Variants in CCBE1 observed in about 807,000 individuals in gnomAD.
CCBE1 encodes collagen and calcium-binding EGF domain-containing protein 1.
Under a neutral mutation model 50.0 loss-of-function variants are expected in CCBE1, and 37 were observed. The observed-to-expected ratio is 0.74, with a 90% CI of 0.57 to 0.97. The LOEUF is 0.97. Ranked by LOEUF, CCBE1 falls within the 50% of genes least tolerant of loss-of-function variation. The pLI, the probability that CCBE1 is intolerant of heterozygous loss-of-function variation, is 0.00. For missense variants in CCBE1, 538 were observed against 523.8 expected (o/e 1.03, Z -0.26); for synonymous variants, 234 against 203.7 (o/e 1.15, Z -1.27).
intron 2 of CCBE1, among the ~76,000 whole-genome samples, chr18:59,623,259 C>A (rs991463045): frequency 2.6e-5 from 4 of 152,162 alleles, no homozygotes; most frequent in Non-Finnish European, 2.9e-5. Flanking sequence ...CTGGTTACTT[C>A]TTCTGCTGTC....
chr18:59,681,747 A>G (rs1416123713), intron 2 of CCBE1, among the ~76,000 whole-genome samples: 1 of 152,264 alleles, frequency 6.6e-6, no homozygotes, highest in Non-Finnish European at 1.5e-5. Flanking sequence ...TAATTGGGGA[A>G]GAAACCATTA....
intron 2 of CCBE1, among the ~76,000 whole-genome samples, chr18:59,600,176 C>A (rs2053411375): frequency 6.6e-6 from 1 of 152,140 alleles, no homozygotes; most frequent in African/African-American, 2.4e-5. Context: ...GGCAAGTGAG[C>A]ATTTCTACCT....
chr18:59,480,082 A>G (rs1912495269), intron 3 of CCBE1, 104 bp downstream of exon 3: 5 of 819,784 alleles, frequency 6.1e-6, no homozygotes, highest in South Asian at 3.1e-5. Flanking sequence ...TACACAGATA[A>G]TCAGACACAG....
chr18:59,667,261 CTG>C (rs1210020506), intron 2 of CCBE1, among the ~76,000 whole-genome samples: 12 of 152,160 alleles, frequency 7.9e-5, no homozygotes, highest in African/African-American at 2.9e-4. Context: ...CAGGGAGACC[CTG>C]ACTCAAAAAC....
intron 2 of CCBE1, among the ~76,000 whole-genome samples, chr18:59,611,198 C>T (rs1028606562): frequency 3.9e-5 from 6 of 152,178 alleles, no homozygotes; most frequent in African/African-American, 4.8e-5. Context: ...CTCTTCCCTT[C>T]GTAATTTATT....
chr18:59,666,626 G>A (rs575048954), intron 2 of CCBE1, among the ~76,000 whole-genome samples: 10 of 151,836 alleles, frequency 6.6e-5, no homozygotes, highest in South Asian at 2.1e-4. Context: ...AGGTGGGGGG[G>A]TGGGGGCAGG....
chr18:59,644,082 G>T (rs4940475), intron 2 of CCBE1, among the ~76,000 whole-genome samples: 66,235 of 151,944 alleles, frequency 0.44, 16,324 homozygotes, highest in Non-Finnish European at 0.56. Context: ...TTTAAGGGAG[G>T]CCCAGGGGGA....
In CCBE1 at chr18:59,679,377, TTCTGTGTGATAATGACAA is replaced by T. The variant is rs1315891299; in HGVS notation, c.212+17234_212+17251del. On this transcript the variant is annotated intron_variant, in intron 2 of 10. Transcript: ENST00000439986. ...GTTTAATATTTATATTGAGTTGTTT[TTCTGTGTGATAATGACAA>T]TTCCGGTAACATATGAACACCCTAC... 7.2e-5 allele frequency among the ~76,000 whole-genome samples: 11 copies of T among 152,382 alleles called. No homozygotes were observed. In the East Asian group the frequency reaches 2.1e-3, roughly 29 times the overall value.
At chr18:59,658,842 T>A (rs1028656231) in intron 2 of CCBE1, among the ~76,000 whole-genome samples, 1 of 123,736 alleles carries the variant, frequency 8.1e-6, no homozygotes, top group African/African-American at 3.1e-5. Flanking sequence ...ATCGTGCCAC[T>A]GCACTCCAGT....
At chr18:59,687,863 A>T (rs1229252222) in intron 2 of CCBE1, among the ~76,000 whole-genome samples, 1 of 152,178 alleles carries the variant, frequency 6.6e-6, no homozygotes, top group Non-Finnish European at 1.5e-5. Flanking sequence ...CTAGAGGCTG[A>T]GGCAGGAGAA....
At chr18:59,534,568 T>C (rs1287227153) in intron 2 of CCBE1, among the ~76,000 whole-genome samples, 1 of 152,200 alleles carries the variant, frequency 6.6e-6, no homozygotes, top group East Asian at 1.9e-4. Flanking sequence ...ATTCTCACAG[T>C]GTGGTCTCTA....
intron 2 of CCBE1, among the ~76,000 whole-genome samples, chr18:59,559,902 C>T (rs1409036666): frequency 2.0e-5 from 3 of 152,110 alleles, no homozygotes; most frequent in East Asian, 1.9e-4. Flanking sequence ...CTTGATGGAC[C>T]GCTGGACAAT....
intron 5 of CCBE1, among the ~76,000 whole-genome samples, chr18:59,459,888 A>G (rs567436124): frequency 2.8e-4 from 43 of 152,328 alleles, no homozygotes; most frequent in African/African-American, 1.0e-3. Context: ...AAGGTTGAGA[A>G]CCGCTGATCT....
chr18:59,459,109 C>G (rs1170308081), intron 5 of CCBE1: 1 of 152,144 alleles, frequency 6.6e-6, no homozygotes. Flanking sequence ...CAGAACAGTG[C>G]CCAGCTTATG....
At chr18:59,566,771 T>C (rs1438410312) in intron 2 of CCBE1, among the ~76,000 whole-genome samples, 1 of 152,168 alleles carries the variant, frequency 6.6e-6, no homozygotes, top group East Asian at 1.9e-4. Context: ...ATCACCACTC[T>C]CTTTTTTTGT....
chr18:59,538,532 A>G (rs1460935691), intron 2 of CCBE1, among the ~76,000 whole-genome samples: 1 of 152,234 alleles, frequency 6.6e-6, no homozygotes, highest in Non-Finnish European at 1.5e-5. Flanking sequence ...GTCAAAGGAC[A>G]GCTTAATGGC....
At chr18:59,648,471 G>A (rs1315219747) in intron 2 of CCBE1, among the ~76,000 whole-genome samples, 1 of 152,184 alleles carries the variant, frequency 6.6e-6, no homozygotes, top group East Asian at 1.9e-4. Flanking sequence ...TTGGAAGGCT[G>A]ACACGGATGG....
intron 2 of CCBE1, chr18:59,686,274 C>G (rs1473455138): frequency 1.3e-5 from 2 of 152,162 alleles, no homozygotes; most frequent in Non-Finnish European, 2.9e-5. Flanking sequence ...TTGTTTTTAA[C>G]CACTGGGATG....
Position 59,431,011 on chromosome 18 carries a change from G to A in CCBE1, c.*4897C>T, listed in dbSNP as rs1470952865. On this transcript the variant is annotated 3_prime_UTR_variant, in exon 11 of 11. Transcript: ENST00000439986. ...ACATCATAGTATCACATCCATAATTGCTTGAATGCTAACTTGACTGTTACA... is the reference window on the plus strand; with the variant it reads ...ACATCATAGTATCACATCCATAATTACTTGAATGCTAACTTGACTGTTACA... The A allele has an allele frequency of 6.6e-6, 1 of 152,128 alleles. No individual in the cohort carries two copies. The highest frequency in any genetic ancestry group is 1.5e-5 in the Non-Finnish European group (1 of 68,032). 9.4% of individuals were successfully genotyped at this position (152,128 alleles called of 1,614,324 possible).
Sources: gnomAD v4.1 joint callset for allele counts (sites outside exome capture counted in the v4.1 genomes callset) on GRCh38, gnomAD v4.1.1 for gene constraint, MANE v1.5 for transcripts, NCBI Gene and HGNC (gene_info 2026-07-23, HGNC 2026-07-21) for gene names.